GDAP2: variants seen among roughly 807,000 people sequenced by gnomAD.
GDAP2 encodes ganglioside-induced differentiation-associated protein 2.
GDAP2 carries 51 observed loss-of-function variants against 67.0 expected under a neutral mutation model. The observed-to-expected ratio is 0.76, with a 90% CI of 0.61 to 0.96. The LOEUF is 0.96. GDAP2 is among the 40% of genes least tolerant of loss of function. The pLI, the probability that GDAP2 is intolerant of heterozygous loss-of-function variation, is 0.00. For missense variants in GDAP2, 547 were observed against 588.3 expected (o/e 0.93, Z 0.73); for synonymous variants, 203 against 207.3 (o/e 0.98, Z 0.18).
At chr1:117,871,739 T>C (rs1476778831) in intron 13 of GDAP2, among the ~76,000 whole-genome samples, 2 of 151,876 alleles carry the variant, frequency 1.3e-5, no homozygotes, top group Non-Finnish European at 1.5e-5. Flanking sequence ...AACCTAACCA[T>C]GTATCAAACA....
Position 117,883,525 on chromosome 1 carries a change from C to A in GDAP2, c.1210G>T (p.Asp404Tyr). The change falls in exon 11 of 14, where the codon GAC becomes TAC. Residue 404 changes from aspartate (D) to tyrosine (Y), a missense_variant. Transcript: ENST00000369443. ...ACATCGTAGAGTTTCTTCAGGAAGT[C>A]GGAGTCCAGGTGATTGTATTCGCTG... ...LTSEYNHLDSDFLKKLYDVVD... is the reference protein window; with the variant it reads ...LTSEYNHLDSYFLKKLYDVVD... The A allele has an allele frequency of 6.2e-7, 1 of 1,612,568 alleles. No individual in the cohort carries two copies. Among genetic ancestry groups the A allele is most frequent in the Non-Finnish European group, 8.5e-7 (1 of 1,178,946 alleles).
At chr1:117,903,561 T>A (rs1649553993) in intron 6 of GDAP2, among the ~76,000 whole-genome samples, 1 of 152,216 alleles carries the variant, frequency 6.6e-6, no homozygotes, top group Non-Finnish European at 1.5e-5. Flanking sequence ...TCTATTAGTA[T>A]GATATATTAC....
chr1:117,872,859 T>C (rs1014762818), intron 13 of GDAP2, among the ~76,000 whole-genome samples: 10 of 152,268 alleles, frequency 6.6e-5, no homozygotes, highest in Non-Finnish European at 1.2e-4. Context: ...AAAATAATTT[T>C]ATATAAAAAA....
chr1:117,892,822 C>A (rs1397635544), intron 8 of GDAP2, among the ~76,000 whole-genome samples: 1 of 151,994 alleles, frequency 6.6e-6, no homozygotes, highest in Non-Finnish European at 1.5e-5. Context: ...TAATAACTAA[C>A]CCATCTGTGT....
rs749158889 is a variant in GDAP2, at chr1:117,878,142, C to G, written c.1313G>C (p.Trp438Ser). The G allele has an allele frequency of 7.0e-6, 11 of 1,567,452 alleles. No individual in the cohort carries two copies. Among genetic ancestry groups the G allele is most frequent in the Non-Finnish European group, 8.7e-6 (10 of 1,145,442 alleles). Reference protein sequence around the residue: ...HPTFRSKVSTWFFTTFSVSGL... With the variant: ...HPTFRSKVSTSFFTTFSVSGL... Reference sequence around the variant, plus strand: ...TGAGACAGAAAAGGTGGTAAAAAACCATGTTGACACCTGATTAATAGAAGA... The same window carrying G: ...TGAGACAGAAAAGGTGGTAAAAAACGATGTTGACACCTGATTAATAGAAGA... Residue 438 changes from tryptophan to serine, a missense_variant, in exon 13 of 14, where the codon TGG becomes TCG. Trp to Ser is a radical substitution (Grantham distance 177). Transcript: ENST00000369443.
intron 10 of GDAP2, among the ~76,000 whole-genome samples, chr1:117,886,287 T>C (rs957395039): frequency 6.6e-6 from 1 of 152,202 alleles, no homozygotes; most frequent in African/African-American, 2.4e-5. Context: ...ACAATTATAA[T>C]ACAGAATGAT....
At chr1:117,874,758 G>C (rs904458871) in intron 13 of GDAP2, among the ~76,000 whole-genome samples, 2 of 152,212 alleles carry the variant, frequency 1.3e-5, no homozygotes, top group African/African-American at 4.8e-5. Flanking sequence ...AATGCTGATA[G>C]AAATACAGAC....
intron 5 of GDAP2, among the ~76,000 whole-genome samples, chr1:117,907,890 A>T (rs1649713375): frequency 6.6e-6 from 1 of 152,156 alleles, no homozygotes. Context: ...GTTAAGATTC[A>T]AAAACCCTAG....
chr1:117,877,504 A>G (rs1450738087), intron 13 of GDAP2: 1 of 973,814 alleles, frequency 1.0e-6, no homozygotes, highest in African/African-American at 1.8e-5. Flanking sequence ...TAACAGATCC[A>G]TAAACGCATC....
intron 6 of GDAP2, among the ~76,000 whole-genome samples, chr1:117,905,070 T>C (rs1191440639): frequency 6.6e-6 from 1 of 152,234 alleles, no homozygotes; most frequent in Non-Finnish European, 1.5e-5. Context: ...ATTTACTAAA[T>C]GTTTAAAATT....
rs537869134 is a variant in GDAP2, at chr1:117,865,981, G to A, written c.*4588C>T. 1 of 152,188 alleles carries A rather than the reference G, an allele frequency of 6.6e-6. No homozygotes were observed. The highest frequency in any genetic ancestry group is 2.4e-5 in the African/African-American group (1 of 41,436). 9.4% of individuals were successfully genotyped at this position (152,188 alleles called of 1,614,324 possible). ...AAAACAAGGCAGATTATGCATATAT[G>A]TGTGTGTGCATGCATGTATATGTAT... On this transcript the variant is annotated 3_prime_UTR_variant, in exon 14 of 14. Transcript: ENST00000369443.
At chr1:117,898,449 G>A (rs1193031967) in intron 7 of GDAP2, among the ~76,000 whole-genome samples, 1 of 152,134 alleles carries the variant, frequency 6.6e-6, no homozygotes, top group Non-Finnish European at 1.5e-5. Context: ...GTTCACTCTA[G>A]GAATTTCACA....
intron 8 of GDAP2, among the ~76,000 whole-genome samples, chr1:117,893,063 T>C (rs532981315): frequency 1.5e-4 from 23 of 152,164 alleles, no homozygotes; most frequent in Non-Finnish European, 2.8e-4. Flanking sequence ...TGTCACTTTA[T>C]TACCAGTAGT....
chr1:117,870,875 G>A (rs980861055), intron 13 of GDAP2, among the ~76,000 whole-genome samples: 2 of 152,186 alleles, frequency 1.3e-5, no homozygotes, highest in African/African-American at 2.4e-5. Context: ...ATTTATAGGC[G>A]CTTTTAAAGT....
rs537423914 is a variant in GDAP2, at chr1:117,886,961, T to C, written c.1031-308A>G. The stretch of plus-strand genomic sequence containing the variant: ...TTTCTAGAGACAGGATCTTGCTCTG[T>C]CCCCAGGCTGGAGTACAGTGGTGTG... On this transcript the variant is annotated intron_variant, in intron 9 of 13. Coordinates refer to ENST00000369443, the MANE Select transcript of GDAP2 (RefSeq NM_017686.4). Among the ~76,000 whole-genome samples, 8 of 152,200 alleles carry C rather than the reference T, an allele frequency of 5.3e-5. No individual in the cohort carries two copies. The East Asian group carries it at 1.5e-3, about 29-fold the overall frequency.
intron 12 of GDAP2, 72 bp from the exon 13 acceptor site, chr1:117,878,224 T>A (rs1392081178): frequency 1.4e-6 from 1 of 730,728 alleles, no homozygotes; most frequent in Non-Finnish European, 2.2e-6. Flanking sequence ...ATTTGGAAAA[T>A]TTATAGTAGA....
chr1:117,916,326 A>G (rs1261449497), intron 3 of GDAP2, among the ~76,000 whole-genome samples: 1 of 152,232 alleles, frequency 6.6e-6, no homozygotes, highest in Non-Finnish European at 1.5e-5. Context: ...CAAGGTAGTG[A>G]GAAGAGATCA....
chr1:117,894,631 C>T (rs1358966560), intron 8 of GDAP2, among the ~76,000 whole-genome samples: 1 of 152,084 alleles, frequency 6.6e-6, no homozygotes, highest in Non-Finnish European at 1.5e-5. Flanking sequence ...TGTGAAGTTG[C>T]CTTGAAGAAA....
intron 1 of GDAP2, among the ~76,000 whole-genome samples, chr1:117,925,822 T>C (rs1233306718): frequency 2.0e-5 from 3 of 152,226 alleles, no homozygotes; most frequent in Non-Finnish European, 2.9e-5. Context: ...CAAAACTGCA[T>C]AGGAGAACAA....
Sources: gnomAD v4.1 joint callset for allele counts (sites outside exome capture counted in the v4.1 genomes callset) on GRCh38, gnomAD v4.1.1 for gene constraint, MANE v1.5 for transcripts, NCBI Gene and HGNC (gene_info 2026-07-23, HGNC 2026-07-21) for gene names.